ATP2B1: variants seen among roughly 807,000 people sequenced by gnomAD.
ATP2B1 encodes plasma membrane calcium-transporting ATPase 1.
Under a neutral mutation model 124.2 loss-of-function variants are expected in ATP2B1, and 14 were observed. That is an observed-to-expected ratio of 0.11 (90% confidence interval 0.07 to 0.18). ATP2B1 has a LOEUF of 0.18. ATP2B1 is among the 10% of genes least tolerant of loss of function. The pLI is 1.00. For synonymous variants in ATP2B1, 449 were observed against 492.4 expected (o/e 0.91, Z 1.17); for missense variants, 763 against 1,466.1 (o/e 0.52, Z 7.83).
At chr12:89,636,396 T>C (rs1882720176) in intron 3 of ATP2B1, among the ~76,000 whole-genome samples, 1 of 152,084 alleles carries the variant, frequency 6.6e-6, no homozygotes, top group Non-Finnish European at 1.5e-5. Flanking sequence ...AGGATATGTA[T>C]GTAGTAAGGA....
intron 6 of ATP2B1, among the ~76,000 whole-genome samples, chr12:89,629,001 A>T (rs2681488): frequency 0.94 from 142,653 of 151,996 alleles, 67,129 homozygotes; most frequent in East Asian, 0.99. Flanking sequence ...AAAAAAAACA[A>T]CAACAACAAA....
intron 3 of ATP2B1, among the ~76,000 whole-genome samples, chr12:89,638,338 T>C (rs1249885686): frequency 3.3e-5 from 5 of 152,226 alleles, no homozygotes; most frequent in East Asian, 1.9e-4. Flanking sequence ...CTAGTTGAGC[T>C]ATTCATTGGG....
At chr12:89,693,023 T>C (rs1033356820) in intron 1 of ATP2B1, among the ~76,000 whole-genome samples, 2 of 152,236 alleles carry the variant, frequency 1.3e-5, no homozygotes, top group African/African-American at 4.8e-5. Context: ...TATTTCTGAA[T>C]GTATACTTAA....
intron 2 of ATP2B1, 181 bp downstream of exon 2, chr12:89,655,498 A>T: frequency 1.6e-6 from 1 of 624,692 alleles, no homozygotes; most frequent in Non-Finnish European, 2.8e-6. Context: ...AATTTGCAAC[A>T]TTTATGTGTT....
chr12:89,592,350 G>A (rs1873736072), intron 20 of ATP2B1, among the ~76,000 whole-genome samples: 1 of 151,990 alleles, frequency 6.6e-6, no homozygotes, highest in South Asian at 2.1e-4. Context: ...ATTGTTAAGA[G>A]AAATAAATAA....
chr12:89,592,449 G>T lies in ATP2B1; in HGVS notation c.3352-1154C>A, dbSNP rs1403816504. ...ATAATACATTTCTTCAAATGAACAT[G>T]TGAATGTGTTTAAAAAAATGTAATG... On this transcript the variant is annotated intron_variant, in intron 20 of 20. Coordinates refer to ENST00000428670, the MANE Select transcript of ATP2B1 (RefSeq NM_001366521.1). 3.3e-5 allele frequency among the ~76,000 whole-genome samples: 5 copies of T among 152,144 alleles called. No homozygotes were observed. In the South Asian group the frequency reaches 1.0e-3, roughly 32 times the overall value.
intron 1 of ATP2B1, among the ~76,000 whole-genome samples, chr12:89,675,540 G>T (rs1467974338): frequency 6.6e-6 from 1 of 152,110 alleles, no homozygotes; most frequent in Non-Finnish European, 1.5e-5. Context: ...TCGAACACAA[G>T]TTAGGCACTT....
Position 89,635,151 on chromosome 12 carries a change from T to C in ATP2B1, c.507A>G (p.Val169=), listed in dbSNP as rs1442772167. The part of the protein sequence containing the change: ...ILLSVVCVVL[V]TAFNDWSKEK... ...CCTTACTCCAGTCATTGAAAGCTGT[T>C]ACTAACACCACACACACTACAGACA... The change falls in exon 4 of 21, where the codon GTA becomes GTG. Residue 169 remains valine (V), a synonymous_variant. Coordinates refer to ENST00000428670, the MANE Select transcript of ATP2B1 (RefSeq NM_001366521.1). 1.2e-6 allele frequency: 2 copies of C among 1,613,930 alleles called. No homozygotes were observed. The highest frequency in any genetic ancestry group is 1.7e-5 in the Admixed American group (1 of 59,998).
intron 1 of ATP2B1, among the ~76,000 whole-genome samples, chr12:89,675,124 A>C (rs1338158027): frequency 6.6e-6 from 1 of 152,166 alleles, no homozygotes; most frequent in East Asian, 1.9e-4. Context: ...AGGGATCAAC[A>C]ATTTTCATTA....
intron 1 of ATP2B1, among the ~76,000 whole-genome samples, chr12:89,672,633 C>T (rs182403940): frequency 4.6e-5 from 7 of 152,022 alleles, no homozygotes; most frequent in Admixed American, 3.9e-4. Context: ...ATTTATCTGA[C>T]CCTTCCTTCT....
chr12:89,706,574 A>C (rs958983067), intron 1 of ATP2B1, among the ~76,000 whole-genome samples: 1 of 152,170 alleles, frequency 6.6e-6, no homozygotes, highest in African/African-American at 2.4e-5. Context: ...TAAAATCCCA[A>C]GCTTCAATAA....
At chr12:89,630,772 A>AATATATAAATAT (rs57896340) in intron 5 of ATP2B1, 127 bp from the exon 6 acceptor site, 158,786 of 204,148 alleles carry the variant, frequency 0.78, 62,318 homozygotes, top group East Asian at 0.97. Context: ...TATAAATATA[A>AATATATAAATAT]ATATATAAAT....
chr12:89,680,310 T>C lies in ATP2B1; in HGVS notation c.-221-24203A>G, dbSNP rs193103175. On this transcript the variant is annotated intron_variant, in intron 1 of 20. Coordinates refer to ENST00000428670, the MANE Select transcript of ATP2B1 (RefSeq NM_001366521.1). ...AAATACTCAAGCAAGTATTTGCAGATATTAACAACAGAAACAAAAATCACC... is the reference window on the plus strand; with the variant it reads ...AAATACTCAAGCAAGTATTTGCAGACATTAACAACAGAAACAAAAATCACC... Among the ~76,000 whole-genome samples, 197 of 152,198 alleles carry C rather than the reference T, an allele frequency of 1.3e-3. 1 individual carries two copies. The highest frequency in any genetic ancestry group is 4.6e-3 in the African/African-American group (189 of 41,536).
intron 1 of ATP2B1, among the ~76,000 whole-genome samples, chr12:89,676,702 A>C (rs990239703): frequency 2.0e-5 from 3 of 152,172 alleles, no homozygotes; most frequent in Non-Finnish European, 4.4e-5. Flanking sequence ...AAGGGAAGAC[A>C]CTTTTACTTA....
At chr12:89,672,599 G>A (rs899676763) in intron 1 of ATP2B1, among the ~76,000 whole-genome samples, 6 of 151,948 alleles carry the variant, frequency 3.9e-5, no homozygotes, top group Non-Finnish European at 7.4e-5. Context: ...CTTGCCTTCC[G>A]TGTACAATTC....
intron 5 of ATP2B1, among the ~76,000 whole-genome samples, chr12:89,632,423 T>C (rs1320609135): frequency 6.6e-6 from 1 of 152,250 alleles, no homozygotes; most frequent in Non-Finnish European, 1.5e-5. Flanking sequence ...TTAGCTTCTT[T>C]GCCAGTGAAA....
intron 1 of ATP2B1, among the ~76,000 whole-genome samples, chr12:89,705,783 T>C (rs1892378946): frequency 6.6e-6 from 1 of 152,192 alleles, no homozygotes; most frequent in African/African-American, 2.4e-5. Context: ...AGTAAGGGGA[T>C]AAAACACCTT....
In ATP2B1 at chr12:89,625,835, T is replaced by C. The variant is rs1465221498; in HGVS notation, c.1129+619A>G. Among the ~76,000 whole-genome samples the C allele has an allele frequency of 5.9e-5, 9 of 152,146 alleles. No individual in the cohort carries two copies. The South Asian group carries it at 1.2e-3, about 21-fold the overall frequency. On this transcript the variant is annotated intron_variant, in intron 8 of 20. Coordinates refer to ENST00000428670, the MANE Select transcript of ATP2B1 (RefSeq NM_001366521.1). ...AACGTCACTTTTTCCATCATACTCC[T>C]AGAGAGCAGTAAAATGATGCAATTT...
chr12:89,674,064 T>A (rs1888321858), intron 1 of ATP2B1, among the ~76,000 whole-genome samples: 1 of 152,150 alleles, frequency 6.6e-6, no homozygotes, highest in African/African-American at 2.4e-5. Flanking sequence ...GACCAGGTAT[T>A]CATATAGTAT....
Sources: allele counts gnomAD v4.1 joint callset (sites outside exome capture counted in the v4.1 genomes callset), GRCh38; gene constraint gnomAD v4.1.1; transcripts MANE v1.5; gene names NCBI Gene and HGNC (gene_info 2026-07-23, HGNC 2026-07-21).